THTPA: variants seen among roughly 807,000 people sequenced by gnomAD.
THTPA encodes thiamine-triphosphatase.
A neutral mutation model predicts 16.5 loss-of-function variants in THTPA; 16 were observed. The observed-to-expected ratio is 0.97, with a 90% CI of 0.66 to 1.47. THTPA has a LOEUF of 1.47. THTPA is among the 40% of genes most tolerant of loss of function. THTPA has a pLI of 0.00. For synonymous variants in THTPA, 110 were observed against 115.5 expected (o/e 0.95, Z 0.30); for missense variants, 281 against 280.9 (o/e 1.00, Z 0.00).
chr14:23,523,746 G>A, the THTPA span: 27 of 1,536,088 alleles, frequency 1.8e-5, no homozygotes, highest in East Asian at 7.3e-5. This position sits in a 1 kb window ranked among gnomAD's most constrained non-coding sequence, Gnocchi z 4.1. Context: ...CTGTAGCGCC[G>A]CTGCCCCATT....
upstream of THTPA, chr14:23,556,069 A>G (rs541782295): frequency 6.6e-6 from 1 of 152,530 alleles, no homozygotes; most frequent in African/African-American, 2.4e-5. Flanking sequence ...GTGCGGGGCC[A>G]ACAATGAGGA....
the THTPA span, among the ~76,000 whole-genome samples, chr14:23,541,444 C>T: frequency 3.1e-4 from 47 of 152,170 alleles, 1 homozygote; most frequent in South Asian, 8.1e-3. Flanking sequence ...GGCTCCACCA[C>T]GCCCAGCTAA....
At chr14:23,521,667 T>G in the THTPA span, 1 of 386,872 alleles carries the variant, frequency 2.6e-6, no homozygotes, top group Non-Finnish European at 4.7e-6. Flanking sequence ...TAGGCAGACA[T>G]GTATGAATAA....
the THTPA span, chr14:23,531,394 T>C: frequency 4.5e-6 from 6 of 1,327,920 alleles, no homozygotes; most frequent in South Asian, 1.3e-4. Context: ...TCGCCTTCCT[T>C]GTATCTCTAA....
Position 23,559,590 on chromosome 14 carries a change from T to G in THTPA, c.*750T>G. 2 of 637,694 alleles carry G rather than the reference T, an allele frequency of 3.1e-6. No individual in the cohort carries two copies. The highest frequency in any genetic ancestry group is 2.8e-6 in the Non-Finnish European group (1 of 356,450). 39.5% of individuals were successfully genotyped at this position (637,694 alleles called of 1,614,324 possible). A position where few individuals can be genotyped will look rare whatever the true frequency, so the allele number is the denominator to read the frequency against. On this transcript the variant is annotated 3_prime_UTR_variant, in exon 2 of 2. Coordinates refer to ENST00000288014, the MANE Select transcript of THTPA (RefSeq NM_024328.6). ...TATGGCTTTCCTCACTTCTCAGGCT[T>G]TATTGGGCTTTATTTGTGGGAGAAG...
At chr14:23,524,002 G>A in the THTPA span, 8 of 1,522,328 alleles carry the variant, frequency 5.3e-6, no homozygotes, top group Non-Finnish European at 7.0e-6. This position sits in a 1 kb window ranked among gnomAD's most constrained non-coding sequence, Gnocchi z 5.6. Context: ...CAGGTGGTAG[G>A]AAAGGCTGGG....
At chr14:23,542,334 C>G in the THTPA span, 1 of 151,880 alleles carries the variant, frequency 6.6e-6, no homozygotes, top group East Asian at 1.9e-4. Flanking sequence ...AGGGAGCAGA[C>G]AGGAGGAGAA....
At chr14:23,553,520 AC>A (rs1204780044), upstream of THTPA, among the ~76,000 whole-genome samples, 1 of 150,538 alleles carries the variant, frequency 6.6e-6, no homozygotes, top group African/African-American at 2.5e-5. Flanking sequence ...AATCGCTTGA[AC>A]CCGGGGGGCA....
chr14:23,556,887 G>T lies in THTPA; in HGVS notation c.130G>T (p.Glu44Ter). 6.2e-7 allele frequency: 1 copy of T among 1,613,766 alleles called. No homozygotes were observed. The highest frequency in any genetic ancestry group is 1.3e-5 in the African/African-American group (1 of 75,032). Residue 44 changes from glutamate to a stop codon, truncating the protein, a stop_gained, in exon 1 of 2, where the codon GAG becomes TAG. Coordinates refer to ENST00000288014, the MANE Select transcript of THTPA (RefSeq NM_024328.6). LOFTEE classifies it high-confidence loss of function. ...CCGAGACACCTACTATGACACCCCTGAGCTGAGCCTCATGCAGGCTGACCA... is the reference window on the plus strand; with the variant it reads ...CCGAGACACCTACTATGACACCCCTTAGCTGAGCCTCATGCAGGCTGACCA... The part of the protein sequence containing the change: ...TFRDTYYDTP[E>*]LSLMQADHWL...
chr14:23,552,350 G>C (rs1386163213), upstream of THTPA, among the ~76,000 whole-genome samples: 2 of 150,200 alleles, frequency 1.3e-5, no homozygotes, highest in Admixed American at 6.6e-5. Flanking sequence ...TTGGAGTGCA[G>C]TGGTGCGATC....
At position 23,557,204 on chromosome 14, in the gene THTPA, C is replaced by A. The variant is rs1182783592; in HGVS notation, c.447C>A (p.Ala149=). 6.2e-6 allele frequency: 10 copies of A among 1,613,820 alleles called. No individual in the cohort carries two copies. Among genetic ancestry groups the A allele is most frequent in the Non-Finnish European group, 8.5e-6 (10 of 1,179,982 alleles). ...AGCTCAGGGTGGACTTGGATACAGC[C>A]GACTTTGGCTACGCTGTGGGTGAGG... ...EPQLRVDLDT[A]DFGYAVGEVE... The change falls in exon 1 of 2, where the codon GCC becomes GCA. Residue 149 remains alanine (A), a synonymous_variant. Coordinates refer to ENST00000288014, the MANE Select transcript of THTPA (RefSeq NM_024328.6).
the THTPA span, chr14:23,534,080 G>A: frequency 1.3e-6 from 2 of 1,516,038 alleles, no homozygotes; most frequent in Non-Finnish European, 1.8e-6. This position sits in a 1 kb window ranked among gnomAD's most constrained non-coding sequence, Gnocchi z 4.5. Context: ...TAGGGCTGGG[G>A]TGGGTCACTG....
chr14:23,517,230 C>T, the THTPA span, among the ~76,000 whole-genome samples: 6 of 152,162 alleles, frequency 3.9e-5, no homozygotes, highest in South Asian at 2.1e-4. Flanking sequence ...AATTGAATCA[C>T]GCAATTTTAT....
At chr14:23,526,008 C>T in the THTPA span, 5 of 1,533,080 alleles carry the variant, frequency 3.3e-6, no homozygotes, top group Non-Finnish European at 4.4e-6. Flanking sequence ...CCACTGGTGT[C>T]AGGGCCCTTC....
chr14:23,526,823 G>C, the THTPA span: 1 of 1,524,052 alleles, frequency 6.6e-7, no homozygotes, highest in Non-Finnish European at 8.8e-7. Context: ...GGTACCTTGG[G>C]AGGTTTGCTG....
upstream of THTPA, among the ~76,000 whole-genome samples, chr14:23,551,998 C>G (rs897737532): frequency 6.6e-6 from 1 of 152,230 alleles, no homozygotes; most frequent in Non-Finnish European, 1.5e-5. This position sits in a 1 kb window ranked among gnomAD's most constrained non-coding sequence, Gnocchi z 5.3. Flanking sequence ...CATCCTGTGG[C>G]CTGCAGAAAC....
At chr14:23,523,705 G>A in the THTPA span, 1 of 1,536,794 alleles carries the variant, frequency 6.5e-7, no homozygotes, top group Non-Finnish European at 8.7e-7. The surrounding 1 kb of genome is among the most constrained non-coding windows in gnomAD (Gnocchi z 4.1). Context: ...AGGCTTTCAT[G>A]ATCTTCAGCT....
At position 23,559,833 on chromosome 14, in the gene THTPA, C is replaced by T; in HGVS notation, c.*993C>T. 1 of 1,614,106 alleles carries T rather than the reference C, an allele frequency of 6.2e-7. No homozygotes were observed. Among genetic ancestry groups the T allele is most frequent in the Non-Finnish European group, 8.5e-7 (1 of 1,180,028 alleles). On this transcript the variant is annotated 3_prime_UTR_variant, in exon 2 of 2. Coordinates refer to ENST00000288014, the MANE Select transcript of THTPA (RefSeq NM_024328.6). ...GAAAGTGGTCGTAGGTGAGGCGCAGCTTTAGCCGCAGGGGGGCCTAGGAAT... is the reference window on the plus strand; with the variant it reads ...GAAAGTGGTCGTAGGTGAGGCGCAGTTTTAGCCGCAGGGGGGCCTAGGAAT...
upstream of THTPA, among the ~76,000 whole-genome samples, chr14:23,551,872 C>A (rs914119798): frequency 2.0e-5 from 3 of 152,220 alleles, no homozygotes; most frequent in Non-Finnish European, 4.4e-5. The surrounding 1 kb of genome is among the most constrained non-coding windows in gnomAD (Gnocchi z 5.3). Flanking sequence ...CCGCCTGCCT[C>A]GCGGGACCCA....
Sources: gnomAD v4.1 joint callset for allele counts (sites outside exome capture counted in the v4.1 genomes callset) on GRCh38, gnomAD v4.1.1 for gene constraint, Gnocchi (gnomAD v3.1) non-coding constraint, MANE v1.5 for transcripts, NCBI Gene and HGNC (gene_info 2026-07-23, HGNC 2026-07-21) for gene names.